The following TMEM183A variants were observed in gnomAD, a reference collection of about 807,000 sequenced individuals.
TMEM183A encodes chromosome 1 open reading frame 37.
In TMEM183A, 21 loss-of-function variants were observed where a neutral mutation model predicts 46.7. The observed-to-expected ratio is 0.45, with a 90% confidence interval of 0.32 to 0.65. The LOEUF is 0.65. TMEM183A is among the 30% of genes least tolerant of loss of function. The pLI, the probability that TMEM183A is intolerant of heterozygous loss-of-function variation, is 0.04. For synonymous variants in TMEM183A, 165 were observed against 180.2 expected (o/e 0.92, Z 0.68); for missense variants, 331 against 481.9 (o/e 0.69, Z 2.93).
At chr1:203,012,278 C>CACACACACACACACACT in intron 3 of TMEM183A, among the ~76,000 whole-genome samples, 1 of 147,272 alleles carries the variant, frequency 6.8e-6, no homozygotes, top group African/African-American at 2.5e-5. Context: ...CACACACACA[C>CACACACACACACACACT]GGTTATTTTG....
intron 3 of TMEM183A, 55 bp from the exon 4 acceptor site, chr1:203,014,834 G>A (rs1657007804): frequency 7.6e-6 from 12 of 1,589,200 alleles, no homozygotes; most frequent in Admixed American, 1.7e-5. Context: ...TGAAATTATC[G>A]AGTATCTTTA....
intron 3 of TMEM183A, among the ~76,000 whole-genome samples, chr1:203,012,490 T>C (rs1348129969): frequency 3.9e-5 from 6 of 152,212 alleles, no homozygotes; most frequent in Non-Finnish European, 7.3e-5. Context: ...GACATGCTTT[T>C]CCTCTTAACC....
At chr1:203,022,718 A>AG in intron 7 of TMEM183A, 137 bp from the exon 8 acceptor site, 4 of 1,017,876 alleles carry the variant, frequency 3.9e-6, no homozygotes, top group Non-Finnish European at 5.7e-6. Context: ...AAAAAAAAAA[A>AG]GGTGTTTGTT....
intron 3 of TMEM183A, among the ~76,000 whole-genome samples, chr1:203,012,426 G>A (rs945213708): frequency 1.4e-4 from 21 of 152,070 alleles, no homozygotes; most frequent in Non-Finnish European, 2.5e-4. Context: ...TCTGTTTACT[G>A]TTCTCACATG....
In TMEM183A at chr1:203,013,119, C is replaced by T. The variant is rs1433387129; in HGVS notation, c.368-1770C>T. Among the ~76,000 whole-genome samples the T allele has an allele frequency of 6.6e-6, 1 of 152,126 alleles. No homozygotes were observed. The highest frequency in any genetic ancestry group is 1.5e-5 in the Non-Finnish European group (1 of 68,032). On this transcript the variant is annotated intron_variant, in intron 3 of 7. Coordinates refer to ENST00000367242, the MANE Select transcript of TMEM183A (RefSeq NM_138391.6). This position sits in a 1 kb window ranked among gnomAD's most constrained non-coding sequence, Gnocchi z 4.0. ...CCTAGACATGGTAGACTGTGTCTTG[C>T]ATGATTACTGGAGATTATAAGAAGG...
chr1:203,024,346 T>C lies in TMEM183A; in HGVS notation c.*1306T>C, dbSNP rs1311803234. On this transcript the variant is annotated 3_prime_UTR_variant, in exon 8 of 8. Coordinates refer to ENST00000367242, the MANE Select transcript of TMEM183A (RefSeq NM_138391.6). Reference sequence around the variant, plus strand: ...TTTGCTAAGGAGAAAACCTTGCTGCTTGTCTCTCCTCCCACCCTCCACCAT... The same window carrying C: ...TTTGCTAAGGAGAAAACCTTGCTGCCTGTCTCTCCTCCCACCCTCCACCAT... The C allele has an allele frequency of 6.6e-6, 1 of 152,214 alleles. No homozygotes were observed. Among genetic ancestry groups the C allele is most frequent in the Non-Finnish European group, 1.5e-5 (1 of 68,046 alleles). The allele number at this position is 152,214 out of a possible 1,614,324, so 9.4% of individuals were successfully genotyped here. A position where few individuals can be genotyped will look rare whatever the true frequency, so the allele number is the denominator to read the frequency against.
chr1:203,015,668 G>T, intron 4 of TMEM183A: 1 of 354,252 alleles, frequency 2.8e-6, no homozygotes, highest in Non-Finnish European at 5.2e-6. Context: ...GTTCCTCCAG[G>T]ACAGGTTCTT....
At chr1:203,009,936 C>A (rs1311065943) in intron 3 of TMEM183A, among the ~76,000 whole-genome samples, 2 of 152,050 alleles carry the variant, frequency 1.3e-5, no homozygotes, top group Non-Finnish European at 2.9e-5. Flanking sequence ...GAGTTCGAGA[C>A]CATCCTGGCC....
chr1:203,022,254 G>T (rs770957699), intron 7 of TMEM183A, among the ~76,000 whole-genome samples: 1 of 151,944 alleles, frequency 6.6e-6, no homozygotes, highest in Non-Finnish European at 1.5e-5. Flanking sequence ...TGTATTTTTG[G>T]TAGAAATGGG....
intron 3 of TMEM183A, among the ~76,000 whole-genome samples, chr1:203,012,063 T>G (rs1656655001): frequency 6.6e-6 from 1 of 151,744 alleles, no homozygotes; most frequent in Admixed American, 6.6e-5. Context: ...AAGTTTTTTT[T>G]CTCTTTCTTT....
At chr1:203,017,692 G>A in intron 5 of TMEM183A, 1 of 980,184 alleles carries the variant, frequency 1.0e-6, no homozygotes, top group Non-Finnish European at 1.2e-6. Context: ...ATGCCTAAAG[G>A]AAGTTGTCCC....
intron 6 of TMEM183A, among the ~76,000 whole-genome samples, chr1:203,019,856 GTAT>G: frequency 6.6e-6 from 1 of 152,074 alleles, no homozygotes; most frequent in Non-Finnish European, 1.5e-5. Flanking sequence ...AAGGACACCT[GTAT>G]TATTAGGTGT....
chr1:203,010,697 TAAAAC>T (rs761080729), intron 3 of TMEM183A, among the ~76,000 whole-genome samples: 4 of 152,226 alleles, frequency 2.6e-5, no homozygotes, highest in African/African-American at 9.6e-5. Context: ...GGCTTTGACT[TAAAAC>T]AAAAAATTGA....
chr1:203,013,911 C>T lies in TMEM183A; in HGVS notation c.368-978C>T, dbSNP rs1178472664. On this transcript the variant is annotated intron_variant, in intron 3 of 7. Transcript: ENST00000367242. The surrounding 1 kb of genome is among the most constrained non-coding windows in gnomAD (Gnocchi z 4.0). The stretch of plus-strand genomic sequence containing the variant: ...GCTGGATTACAGGCACGTGCCACCA[C>T]GCCCAGCTAATTTTTGTATTTTTAG... 2.6e-5 allele frequency among the ~76,000 whole-genome samples: 4 copies of T among 152,070 alleles called. No homozygotes were observed. The highest frequency in any genetic ancestry group is 4.4e-5 in the Non-Finnish European group (3 of 68,008).
intron 3 of TMEM183A, among the ~76,000 whole-genome samples, chr1:203,014,108 T>C (rs560861494): frequency 3.9e-5 from 6 of 152,268 alleles, no homozygotes; most frequent in African/African-American, 1.2e-4. Flanking sequence ...AAATGTTTAG[T>C]GGGTGGAGAC....
intron 2 of TMEM183A, 75 bp downstream of exon 2, chr1:203,007,938 A>T: frequency 6.4e-7 from 1 of 1,562,266 alleles, no homozygotes; most frequent in South Asian, 1.1e-5. Context: ...TTTTTCTTGC[A>T]GTCCTTTAGT....
intron 3 of TMEM183A, among the ~76,000 whole-genome samples, chr1:203,011,961 T>A (rs7555847): frequency 0.015 from 2,208 of 151,958 alleles, 54 homozygotes; most frequent in African/African-American, 0.051. Context: ...GCCTTTTTTT[T>A]AATGAAACAT....
At chr1:203,018,357 TG>T in intron 5 of TMEM183A, 123 bp from the exon 6 acceptor site, 1 of 1,098,950 alleles carries the variant, frequency 9.1e-7, no homozygotes, top group Non-Finnish European at 1.3e-6. Context: ...ATCTCAGCAT[TG>T]GGACCGTGGC....
intron 2 of TMEM183A, 77 bp from the exon 3 acceptor site, chr1:203,008,566 G>A (rs1656224853): frequency 8.0e-7 from 1 of 1,256,252 alleles, no homozygotes; most frequent in Non-Finnish European, 1.0e-6. Context: ...CTGAATGGAT[G>A]CTGATACCTT....
Sources: allele counts gnomAD v4.1 joint callset (sites outside exome capture counted in the v4.1 genomes callset), GRCh38; gene constraint gnomAD v4.1.1; non-coding constraint Gnocchi (gnomAD v3.1); transcripts MANE v1.5; gene names NCBI Gene and HGNC (gene_info 2026-07-23, HGNC 2026-07-21).